SESTD1: variants seen among roughly 807,000 people sequenced by gnomAD.
The protein encoded by SESTD1 is SEC14 domain and spectrin repeat-containing protein 1.
A neutral mutation model predicts 101.7 loss-of-function variants in SESTD1; 43 were observed. The ratio of observed to expected loss-of-function variants is 0.42; its 90% CI spans 0.33 to 0.55. The LOEUF (loss-of-function observed/expected upper bound fraction) is 0.55. Among genes scored for constraint, SESTD1 ranks in the 20% least tolerant of loss-of-function variants. The pLI, the probability that SESTD1 is intolerant of heterozygous loss-of-function variation, is 0.07. For synonymous variants in SESTD1, 283 were observed against 286.8 expected, an observed-to-expected ratio of 0.99 and a Z score of 0.13; for missense variants, 647 against 815.1, an observed-to-expected ratio of 0.79 and a Z score of 2.51.
chr2:179,258,620 G>A (rs146940018), intron 1 of SESTD1, among the ~76,000 whole-genome samples: 1 of 152,096 alleles, frequency 6.6e-6, no homozygotes, highest in Non-Finnish European at 1.5e-5. Flanking sequence ...TGCAGTTTCT[G>A]CATATGCCAA....
intron 1 of SESTD1, among the ~76,000 whole-genome samples, chr2:179,224,119 C>T (rs2046850246): frequency 6.6e-6 from 1 of 152,160 alleles, no homozygotes; most frequent in African/African-American, 2.4e-5. Flanking sequence ...CACTTTGAAA[C>T]ATGGCCTAAT....
intron 3 of SESTD1, among the ~76,000 whole-genome samples, chr2:179,181,068 C>T (rs1326850782): frequency 3.9e-5 from 6 of 152,196 alleles, no homozygotes; most frequent in Middle Eastern, 6.8e-3. Flanking sequence ...TTGGCAGGTA[C>T]GTGTAGATAT....
rs1408760863 is a variant in SESTD1, at chr2:179,128,727, CAAAAAAAAAAAAAAGAAAAG to C, written c.972+3557_972+3576del. Among the ~76,000 whole-genome samples the C allele has an allele frequency of 1.1e-4, 8 of 73,732 alleles. No homozygotes were observed. The East Asian group carries it at 4.3e-3, about 40-fold the overall frequency. The allele number at this position is 73,732 out of a possible 152,430, so 48.4% of individuals were successfully genotyped here. ...CTGGCGAGAGAGCTAGACACTGTCT[CAAAAAAAAAAAAAAGAAAAG>C]AAAAAAAAAAAAACCCAGTAGAATG... On this transcript the variant is annotated intron_variant, in intron 10 of 17. Coordinates refer to ENST00000428443, the MANE Select transcript of SESTD1 (RefSeq NM_178123.5).
At position 179,105,953 on chromosome 2, in the gene SESTD1, T is replaced by C. The variant is rs1041089346; in HGVS notation, c.*3946A>G. ...TAAACCTAGACTTTTCAGTAGCATG[T>C]ATGAAAGTCAAATAATGTCAAATGG... On this transcript the variant is annotated 3_prime_UTR_variant, in exon 18 of 18. Coordinates refer to ENST00000428443, the MANE Select transcript of SESTD1 (RefSeq NM_178123.5). 5.9e-5 allele frequency: 9 copies of C among 152,212 alleles called. No individual in the cohort carries two copies. The highest frequency in any genetic ancestry group is 1.3e-4 in the Admixed American group (2 of 15,256). The allele number at this position is 152,212 out of a possible 1,614,324, so 9.4% of individuals were successfully genotyped here. A position where few individuals can be genotyped will look rare whatever the true frequency, so the allele number is the denominator to read the frequency against.
At chr2:179,237,517 T>C (rs1423799379) in intron 1 of SESTD1, among the ~76,000 whole-genome samples, 2 of 152,250 alleles carry the variant, frequency 1.3e-5, no homozygotes, top group African/African-American at 4.8e-5. Context: ...TTATTTACCA[T>C]TGTGTGTGTG....
chr2:179,118,715 T>C (rs2044687759), intron 13 of SESTD1, among the ~76,000 whole-genome samples: 1 of 152,236 alleles, frequency 6.6e-6, no homozygotes, highest in Non-Finnish European at 1.5e-5. Context: ...GATGGTATCA[T>C]ACATATACTG....
chr2:179,163,604 G>A (rs2045782102), intron 5 of SESTD1, among the ~76,000 whole-genome samples: 1 of 150,430 alleles, frequency 6.6e-6, no homozygotes, highest in Admixed American at 6.6e-5. Flanking sequence ...TCACTACCCT[G>A]CACAAGCATT....
rs1172347461 is a variant in SESTD1, at chr2:179,123,838, G to A, written c.1168-9C>T. On this transcript the variant is annotated splice_polypyrimidine_tract_variant and intron_variant, in intron 11 of 17. Transcript: ENST00000428443. ...TCCAACTGCTGAGACAACTAAAGCAGAGGGACACCAAAGAGATAACCCTGA... is the reference window on the plus strand; with the variant it reads ...TCCAACTGCTGAGACAACTAAAGCAAAGGGACACCAAAGAGATAACCCTGA... The A allele has an allele frequency of 1.3e-6, 2 of 1,596,780 alleles. No individual in the cohort carries two copies.
chr2:179,248,806 C>A (rs1323790562), intron 1 of SESTD1, among the ~76,000 whole-genome samples: 1 of 151,532 alleles, frequency 6.6e-6, no homozygotes, highest in East Asian at 1.9e-4. Context: ...GGCAGCCAGG[C>A]ACAGTGGCTC....
chr2:179,203,415 C>G (rs114067809), intron 1 of SESTD1, among the ~76,000 whole-genome samples: 1 of 132,890 alleles, frequency 7.5e-6, no homozygotes, highest in Non-Finnish European at 1.6e-5. Context: ...TGGCAAGAAC[C>G]CCACTCTATT....
At chr2:179,197,923 A>C (rs1389167520) in intron 1 of SESTD1, among the ~76,000 whole-genome samples, 3 of 152,120 alleles carry the variant, frequency 2.0e-5, no homozygotes, top group Non-Finnish European at 2.9e-5. Flanking sequence ...ATAACCAGCT[A>C]ACATCATAAT....
chr2:179,243,945 T>C (rs1460756763), intron 1 of SESTD1, among the ~76,000 whole-genome samples: 3 of 115,414 alleles, frequency 2.6e-5, no homozygotes, highest in Non-Finnish European at 5.2e-5. Context: ...TATGTGTGTG[T>C]ATATATATAT....
rs1398371266 is a variant in SESTD1 at position 179,106,118 on chromosome 2, A to G, written c.*3781T>C. ...AGTCTACTAATTAGGTTAACTGCTT[A>G]GCTATGTTCCAGCCATGTTTTTAAT... On this transcript the variant is annotated 3_prime_UTR_variant, in exon 18 of 18. Coordinates refer to ENST00000428443, the MANE Select transcript of SESTD1 (RefSeq NM_178123.5). 2 of 148,702 alleles carry G rather than the reference A, an allele frequency of 1.3e-5. No homozygotes were observed. Among genetic ancestry groups the G allele is most frequent in the Non-Finnish European group, 3.0e-5 (2 of 66,942 alleles). The allele number at this position is 148,702 out of a possible 1,614,324, so 9.2% of individuals were successfully genotyped here. A position where few individuals can be genotyped will look rare whatever the true frequency, so the allele number is the denominator to read the frequency against.
At chr2:179,138,631 A>C (rs1458676493) in intron 9 of SESTD1, among the ~76,000 whole-genome samples, 1 of 152,108 alleles carries the variant, frequency 6.6e-6, no homozygotes, top group Non-Finnish European at 1.5e-5. Context: ...AAAACTATAC[A>C]CAAAGGCATT....
At chr2:179,152,939 G>T (rs966577214) in intron 5 of SESTD1, among the ~76,000 whole-genome samples, 1 of 151,940 alleles carries the variant, frequency 6.6e-6, no homozygotes, top group African/African-American at 2.4e-5. Context: ...TATAAATTAA[G>T]ATATTACAGG....
chr2:179,263,328 AC>A (rs2047509026), intron 1 of SESTD1, among the ~76,000 whole-genome samples: 1 of 152,200 alleles, frequency 6.6e-6, no homozygotes. Flanking sequence ...GCATAACTTA[AC>A]CAAGGTATGT....
At chr2:179,239,230 G>C (rs2047113464) in intron 1 of SESTD1, among the ~76,000 whole-genome samples, 1 of 152,214 alleles carries the variant, frequency 6.6e-6, no homozygotes, top group South Asian at 2.1e-4. Flanking sequence ...AAAATGAATA[G>C]AGAATTTTTT....
intron 10 of SESTD1, among the ~76,000 whole-genome samples, chr2:179,126,412 T>C (rs2044875985): frequency 6.6e-6 from 1 of 152,142 alleles, no homozygotes; most frequent in South Asian, 2.1e-4. Context: ...ACACAACAGC[T>C]CCTTTTAGCC....
At chr2:179,261,412 C>T (rs990501479) in intron 1 of SESTD1, among the ~76,000 whole-genome samples, 5 of 152,022 alleles carry the variant, frequency 3.3e-5, no homozygotes, top group Non-Finnish European at 7.4e-5. Context: ...CTCTTATTAA[C>T]TGTAAGGTTA....
Sources: allele counts gnomAD v4.1 joint callset (sites outside exome capture counted in the v4.1 genomes callset), GRCh38; gene constraint gnomAD v4.1.1; transcripts MANE v1.5; gene names NCBI Gene and HGNC (gene_info 2026-07-23, HGNC 2026-07-21).